Variants in BRAF observed in about 807,000 individuals in gnomAD.
BRAF encodes the protein B-Raf proto-oncogene, serine/threonine kinase.
In BRAF, 16 loss-of-function variants were observed where a neutral mutation model predicts 104.6. The ratio of observed to expected loss-of-function variants is 0.15; its 90% confidence interval spans 0.10 to 0.23. The LOEUF (loss-of-function observed/expected upper bound fraction) is 0.23. BRAF is among the 10% of genes least tolerant of loss of function. BRAF has a pLI of 1.00. For missense variants in BRAF, 541 were observed against 937.3 expected (o/e 0.58, Z 5.52); for synonymous variants, 310 against 341.6 (o/e 0.91, Z 1.02).
intron 2 of BRAF, among the ~76,000 whole-genome samples, chr7:140,842,371 A>G (rs1808057327): frequency 1.3e-5 from 2 of 152,202 alleles, no homozygotes; most frequent in South Asian, 4.1e-4. Context: ...GAACTAATAT[A>G]TGATTAGTAC....
At position 140,778,237 on chromosome 7, in the gene BRAF, A is replaced by C. The variant is rs71645978; in HGVS notation, c.1553-162T>G. Among the ~76,000 whole-genome samples, 500 of 152,294 alleles carry C rather than the reference A, an allele frequency of 3.3e-3. 3 individuals are homozygous for C. The highest frequency in any genetic ancestry group is 0.011 in the African/African-American group (478 of 41,574). ...CTATCTAAACTCCATTTGTTTTCTA[A>C]GGCTAAAAATTCAACTAACAATGAT... On this transcript the variant is annotated intron_variant, in intron 12 of 19. Coordinates refer to ENST00000644969, the MANE Select transcript of BRAF (RefSeq NM_001374258.1).
intron 5 of BRAF, 92 bp from the exon 6 acceptor site, chr7:140,801,652 T>C (rs765108282): frequency 7.5e-6 from 10 of 1,336,690 alleles, no homozygotes; most frequent in Non-Finnish European, 1.0e-5. Context: ...AATAACAAAG[T>C]TGTAATATAT....
At chr7:140,794,622 T>C (rs1802331956) in intron 7 of BRAF, among the ~76,000 whole-genome samples, 155 bp from the exon 8 acceptor site, 1 of 152,200 alleles carries the variant, frequency 6.6e-6, no homozygotes, top group Admixed American at 6.5e-5. Flanking sequence ...AAAGTATTAA[T>C]TTAAAAATCC....
Position 140,924,771 on chromosome 7 carries a change from T to TGGGGGAGGCGGA in BRAF, c.-80_-69dup. ...GGGAGGGGGAAGGGAGGCGGAGAGC[T>TGGGGGAGGCGGA]GGGGGAGGCGGAGGCGGAGGCGGAG... On this transcript the variant is annotated 5_prime_UTR_variant, in exon 1 of 20. Transcript: ENST00000644969. This position sits in a 1 kb window ranked among gnomAD's most constrained non-coding sequence, Gnocchi z 4.2. The TGGGGGAGGCGGA allele has an allele frequency of 1.8e-6, 1 of 569,290 alleles. No individual in the cohort carries two copies. Among genetic ancestry groups the TGGGGGAGGCGGA allele is most frequent in the Admixed American group, 3.3e-5 (1 of 30,650 alleles). 35.3% of individuals were successfully genotyped at this position (569,290 alleles called of 1,614,324 possible).
Position 140,723,291 on chromosome 7 carries a change from TTAC to T in BRAF, c.*3200_*3202del. ...CACCAAACCAGAAGCTAGGAAATAT[TTAC>T]AAAGTTTCAGGTTGACAGTGCTGCA... On this transcript the variant is annotated 3_prime_UTR_variant, in exon 20 of 20. Transcript: ENST00000644969. The T allele has an allele frequency of 9.5e-7, 1 of 1,056,402 alleles. No individual in the cohort carries two copies. Among genetic ancestry groups the T allele is most frequent in the Admixed American group, 5.4e-5 (1 of 18,396 alleles). The allele number at this position is 1,056,402 out of a possible 1,614,324, so 65.4% of individuals were successfully genotyped here.
rs550500526 is a variant in BRAF, at chr7:140,852,116, C to T, written c.139-1904G>A. Among the ~76,000 whole-genome samples the T allele has an allele frequency of 9.2e-5, 14 of 152,224 alleles. 1 individual carries two copies. Among genetic ancestry groups the T allele is most frequent in the Admixed American group, 7.8e-4 (12 of 15,300 alleles). On this transcript the variant is annotated intron_variant, in intron 1 of 19. Transcript: ENST00000644969. ...TAGCATAGTGGCTCACATCTGTAAT[C>T]CCAACACTCTGGGAGGCCGAGGCAG...
At chr7:140,831,768 C>T (rs1806781256) in intron 3 of BRAF, among the ~76,000 whole-genome samples, 2 of 152,188 alleles carry the variant, frequency 1.3e-5, no homozygotes, top group African/African-American at 4.8e-5. Context: ...CTCCACAGGA[C>T]TCACAACTAA....
At chr7:140,717,966 C>CT (rs1795172345), downstream of BRAF, among the ~76,000 whole-genome samples, 2 of 152,300 alleles carry the variant, frequency 1.3e-5, no homozygotes, top group Admixed American at 6.5e-5. Flanking sequence ...AGCAATCCTC[C>CT]TGCCTTAGCC....
chr7:140,713,807 T>A, the BRAF span, among the ~76,000 whole-genome samples: 2 of 152,166 alleles, frequency 1.3e-5, no homozygotes, highest in African/African-American at 2.4e-5. Context: ...CCTTTCTGTT[T>A]GTTAGTTTTC....
chr7:140,859,685 ATTTTT>A (rs60932962), intron 1 of BRAF, among the ~76,000 whole-genome samples: 1 of 131,658 alleles, frequency 7.6e-6, no homozygotes, highest in African/African-American at 3.1e-5. Context: ...CTGATTGTAA[ATTTTT>A]TTTTTTTTTT....
At chr7:140,913,545 C>T (rs1481230741) in intron 1 of BRAF, among the ~76,000 whole-genome samples, 1 of 124,232 alleles carries the variant, frequency 8.0e-6, no homozygotes, top group Non-Finnish European at 1.6e-5. Flanking sequence ...TGCAGTGGCG[C>T]GATCTTGGCT....
rs1032447285 is a variant in BRAF at position 140,888,033 on chromosome 7, T to G, written c.138+36533A>C. Among the ~76,000 whole-genome samples, 7 of 152,076 alleles carry G rather than the reference T, an allele frequency of 4.6e-5. No homozygotes were observed. In the East Asian group the frequency reaches 1.2e-3, roughly 25 times the overall value. ...GACTACAGGCACATGCCACCATGCC[T>G]GGCTAATTTTTTGCGTTTTTAATAG... On this transcript the variant is annotated intron_variant, in intron 1 of 19. Transcript: ENST00000644969.
intron 3 of BRAF, among the ~76,000 whole-genome samples, chr7:140,816,361 A>T (rs576381767): frequency 6.6e-6 from 1 of 152,356 alleles, no homozygotes; most frequent in Admixed American, 6.5e-5. Context: ...GGGAAGGTCT[A>T]GCATTTACTC....
intron 1 of BRAF, among the ~76,000 whole-genome samples, chr7:140,911,118 A>C (rs1002255058): frequency 6.6e-6 from 1 of 152,230 alleles, no homozygotes; most frequent in Non-Finnish European, 1.5e-5. Flanking sequence ...AAGAGTACCG[A>C]AAAAGAATTC....
intron 3 of BRAF, among the ~76,000 whole-genome samples, chr7:140,810,935 C>T (rs1804192623): frequency 6.6e-6 from 1 of 152,124 alleles, no homozygotes; most frequent in African/African-American, 2.4e-5. Flanking sequence ...CACTTTTGTG[C>T]TTCTTGTTGA....
chr7:140,890,200 G>A (rs1419169517), intron 1 of BRAF, among the ~76,000 whole-genome samples: 1 of 152,094 alleles, frequency 6.6e-6, no homozygotes, highest in Non-Finnish European at 1.5e-5. Context: ...TCAGTGACTG[G>A]CACAAAGTAA....
At chr7:140,867,845 C>T (rs940310873) in intron 1 of BRAF, among the ~76,000 whole-genome samples, 9 of 152,146 alleles carry the variant, frequency 5.9e-5, no homozygotes, top group Non-Finnish European at 1.2e-4. Context: ...ATCTTTTACC[C>T]GTAACTCTGC....
At chr7:140,765,422 T>C (rs1283819275) in intron 14 of BRAF, among the ~76,000 whole-genome samples, 12 of 152,090 alleles carry the variant, frequency 7.9e-5, no homozygotes, top group Admixed American at 3.3e-4. Flanking sequence ...CCAAAAGCAA[T>C]GGCAACAAAA....
At chr7:140,719,244 G>A (rs1795209020), downstream of BRAF, 1 of 507,154 alleles carries the variant, frequency 2.0e-6, no homozygotes, top group African/African-American at 2.1e-5. Flanking sequence ...ACATTTCTCA[G>A]TCTCTCCATT....
Sources: allele counts gnomAD v4.1 joint callset (sites outside exome capture counted in the v4.1 genomes callset), GRCh38; gene constraint gnomAD v4.1.1; non-coding constraint Gnocchi (gnomAD v3.1); transcripts MANE v1.5; gene names NCBI Gene and HGNC (gene_info 2026-07-23, HGNC 2026-07-21).